EYA2: variants seen among roughly 807,000 people sequenced by gnomAD.
The protein encoded by EYA2 is protein phosphatase EYA2.
A neutral mutation model predicts 69.2 loss-of-function variants in EYA2; 31 were observed. The ratio of observed to expected loss-of-function variants is 0.45; its 90% CI spans 0.34 to 0.60. The LOEUF (loss-of-function observed/expected upper bound fraction) is 0.60, where lower values mean the gene tolerates loss of function less well. Ranked by LOEUF, EYA2 falls within the 20% of genes least tolerant of loss-of-function variation. The pLI, the probability that EYA2 is intolerant of heterozygous loss-of-function variation, is 0.02. For missense variants in EYA2, 622 were observed against 701.2 expected, an observed-to-expected ratio of 0.89 and a Z score of 1.28; for synonymous variants, 257 against 279.4, an observed-to-expected ratio of 0.92 and a Z score of 0.80.
At chr20:47,108,055 G>A (rs1475420773) in intron 9 of EYA2, among the ~76,000 whole-genome samples, 1 of 152,232 alleles carries the variant, frequency 6.6e-6, no homozygotes, top group East Asian at 1.9e-4. Context: ...TGTGGCTGGA[G>A]CACAGCAGAC....
intron 1 of EYA2, among the ~76,000 whole-genome samples, chr20:46,918,254 G>A (rs1300563475): frequency 1.3e-5 from 2 of 152,042 alleles, no homozygotes; most frequent in East Asian, 3.9e-4. Context: ...CCAGGAGGCG[G>A]AGCTTGCAGT....
At chr20:47,170,049 T>G (rs1452113047) in intron 11 of EYA2, among the ~76,000 whole-genome samples, 4 of 151,688 alleles carry the variant, frequency 2.6e-5, no homozygotes, top group African/African-American at 7.3e-5. Context: ...GGGATTACAG[T>G]CATGCACCAC....
intron 5 of EYA2, among the ~76,000 whole-genome samples, chr20:47,039,298 GAAT>G (rs1348072054): frequency 2.0e-5 from 3 of 152,180 alleles, no homozygotes; most frequent in Non-Finnish European, 4.4e-5. Context: ...ATCAAAAGAA[GAAT>G]AATATTTCAT....
At chr20:47,030,640 C>T (rs1984356654) in intron 5 of EYA2, among the ~76,000 whole-genome samples, 1 of 152,184 alleles carries the variant, frequency 6.6e-6, no homozygotes, top group African/African-American at 2.4e-5. Flanking sequence ...GCTCTGGGAG[C>T]TAGAAGTCCC....
chr20:46,982,405 C>T (rs975870465), intron 1 of EYA2, among the ~76,000 whole-genome samples: 1 of 152,172 alleles, frequency 6.6e-6, no homozygotes, highest in Non-Finnish European at 1.5e-5. Context: ...TGCAGTTTAA[C>T]CATCACATAC....
chr20:46,910,371 T>C (rs1382163975), intron 1 of EYA2, among the ~76,000 whole-genome samples: 3 of 152,010 alleles, frequency 2.0e-5, no homozygotes, highest in Non-Finnish European at 4.4e-5. Context: ...AAGGGGAAAA[T>C]CCAATCCCCC....
rs149125111 is a variant in EYA2, at chr20:47,096,417, T to C, written c.805-668T>C. On this transcript the variant is annotated intron_variant, in intron 8 of 15. Coordinates refer to ENST00000327619, the MANE Select transcript of EYA2 (RefSeq NM_005244.5). ...GACAATATGAAGGTAAAGCTACAGC[T>C]GATAGACATTAGAGCGGGGAGGATG... is the stretch of plus-strand genomic sequence containing the variant. Among the ~76,000 whole-genome samples, 834 of 152,332 alleles carry C rather than the reference T, an allele frequency of 5.5e-3. 9 individuals are homozygous for C. Among genetic ancestry groups the C allele is most frequent in the African/African-American group, 0.019 (797 of 41,584 alleles).
intron 7 of EYA2, among the ~76,000 whole-genome samples, chr20:47,083,132 G>C (rs2031779348): frequency 6.6e-6 from 1 of 151,950 alleles, no homozygotes; most frequent in Non-Finnish European, 1.5e-5. Context: ...TGAGGATACA[G>C]TGAGCTATGA....
rs530057599 is a variant in EYA2 at position 47,169,288 on chromosome 20, C to T, written c.1037+91C>T. The T allele has an allele frequency of 1.1e-4, 144 of 1,313,694 alleles. 2 individuals are homozygous for T. The South Asian group carries it at 1.7e-3, about 15-fold the overall frequency. The allele number at this position is 1,313,694 out of a possible 1,614,324, so 81.4% of individuals were successfully genotyped here. A position where few individuals can be genotyped will look rare whatever the true frequency, so the allele number is the denominator to read the frequency against. ...TAGGAAGTGGGGTGGGAGAGGAGGGCTGCTTATAAGGACAAGGAGTGCCTG... is the reference window on the plus strand; with the variant it reads ...TAGGAAGTGGGGTGGGAGAGGAGGGTTGCTTATAAGGACAAGGAGTGCCTG... On this transcript the variant is annotated intron_variant, in intron 11 of 15. Coordinates refer to ENST00000327619, the MANE Select transcript of EYA2 (RefSeq NM_005244.5).
At chr20:47,036,833 C>A (rs555299035) in intron 5 of EYA2, among the ~76,000 whole-genome samples, 44 of 152,282 alleles carry the variant, frequency 2.9e-4, no homozygotes, top group Non-Finnish European at 5.4e-4. Flanking sequence ...ATTCAAATCC[C>A]AGTTCTGCCA....
At chr20:47,176,387 C>T (rs1238885012) in intron 12 of EYA2, among the ~76,000 whole-genome samples, 1 of 112,180 alleles carries the variant, frequency 8.9e-6, no homozygotes, top group Admixed American at 7.8e-5. Flanking sequence ...GCTTTAAATT[C>T]TTAATTCAGT....
At chr20:47,106,533 G>A (rs2032583942) in intron 9 of EYA2, among the ~76,000 whole-genome samples, 1 of 152,128 alleles carries the variant, frequency 6.6e-6, no homozygotes, top group African/African-American at 2.4e-5. Flanking sequence ...GGGATTGGGT[G>A]AGAGTCCATG....
At chr20:47,140,816 C>T (rs376730966) in intron 9 of EYA2, among the ~76,000 whole-genome samples, 5 of 152,086 alleles carry the variant, frequency 3.3e-5, no homozygotes, top group Admixed American at 6.6e-5. Context: ...TTCTGGGGAT[C>T]GGCAAGTTCA....
At chr20:47,080,122 T>C (rs537735263) in intron 7 of EYA2, among the ~76,000 whole-genome samples, 1 of 152,260 alleles carries the variant, frequency 6.6e-6, no homozygotes, top group South Asian at 2.1e-4. Flanking sequence ...TTTAAAAGAA[T>C]CAAGGCATAC....
chr20:47,180,319 C>G (rs967089490), intron 13 of EYA2, among the ~76,000 whole-genome samples: 2 of 152,182 alleles, frequency 1.3e-5, no homozygotes, highest in Non-Finnish European at 2.9e-5. Flanking sequence ...GTGTGAGCCA[C>G]CACTCCCAGC....
intron 9 of EYA2, among the ~76,000 whole-genome samples, chr20:47,119,318 C>A (rs1467938523): frequency 1.3e-5 from 2 of 152,206 alleles, no homozygotes; most frequent in South Asian, 2.1e-4. Flanking sequence ...CACACTTCCT[C>A]TGTGAATTCG....
intron 9 of EYA2, among the ~76,000 whole-genome samples, chr20:47,120,496 G>GTA (rs1447976455): frequency 6.6e-6 from 1 of 152,230 alleles, no homozygotes; most frequent in East Asian, 1.9e-4. Flanking sequence ...CTTGGTCTTG[G>GTA]TATGTGCTGC....
intron 5 of EYA2, among the ~76,000 whole-genome samples, chr20:47,053,855 G>T (rs1003022459): frequency 6.6e-6 from 1 of 151,748 alleles, no homozygotes; most frequent in Non-Finnish European, 1.5e-5. Flanking sequence ...GGGGCTCAGG[G>T]TTGTCAAGGA....
intron 1 of EYA2, among the ~76,000 whole-genome samples, chr20:46,908,870 CTTTTTTTTTTTTTTTTTTTTTTT>C (rs56834738): frequency 8.4e-5 from 4 of 47,584 alleles, no homozygotes; most frequent in East Asian, 2.5e-3. Flanking sequence ...CTCTCCCGCA[CTTTTTTTTTTTTTTTTTTTTTTT>C]TTTTTTTTTT....
Sources: allele counts gnomAD v4.1 joint callset (sites outside exome capture counted in the v4.1 genomes callset), GRCh38; gene constraint gnomAD v4.1.1; transcripts MANE v1.5; gene names NCBI Gene and HGNC (gene_info 2026-07-23, HGNC 2026-07-21).